Variants in WDSUB1 observed in about 807,000 individuals in gnomAD.
WDSUB1 encodes the protein WD repeat, SAM and U-box domain-containing protein 1.
A neutral mutation model predicts 53.9 loss-of-function variants in WDSUB1; 49 were observed. The observed-to-expected ratio is 0.91, with a 90% CI of 0.72 to 1.15. The LOEUF is 1.15. Among genes scored for constraint, WDSUB1 ranks in the 50% most tolerant of loss-of-function variants. The pLI is 0.00. For synonymous variants in WDSUB1, 194 were observed against 200.6 expected, an observed-to-expected ratio of 0.97 and a Z score of 0.28; for missense variants, 514 against 562.0, an observed-to-expected ratio of 0.91 and a Z score of 0.86.
chr2:159,239,542 T>A (rs2060586003), intron 10 of WDSUB1, among the ~76,000 whole-genome samples: 1 of 133,270 alleles, frequency 7.5e-6, no homozygotes, highest in South Asian at 2.3e-4. Context: ...TCTAAAACAA[T>A]AGCTGAGAGA....
rs1195615433 is a variant in WDSUB1 at position 159,275,847 on chromosome 2, C to CA, written c.584-210dup. 4.6e-5 allele frequency among the ~76,000 whole-genome samples: 7 copies of CA among 152,022 alleles called. No individual in the cohort carries two copies. In the East Asian group the frequency reaches 9.6e-4, roughly 21 times the overall value. On this transcript the variant is annotated intron_variant, in intron 3 of 10. Coordinates refer to ENST00000359774, the MANE Select transcript of WDSUB1 (RefSeq NM_001128212.3). ...GGGATTATTAGTCCTCAAGTTGCTA[C>CA]AAAAAAATACCTTTCATTTTCCTTC...
chr2:159,244,673 T>C (rs2060747170), intron 10 of WDSUB1, among the ~76,000 whole-genome samples: 8 of 152,226 alleles, frequency 5.3e-5, no homozygotes, highest in African/African-American at 1.9e-4. Context: ...ACGTCTTATC[T>C]CAGCACTTTG....
At position 159,236,136 on chromosome 2, in the gene WDSUB1, C is replaced by T. The variant is rs544324335; in HGVS notation, c.1328G>A (p.Arg443His). The T allele has an allele frequency of 2.1e-5, 34 of 1,613,300 alleles. No homozygotes were observed. The highest frequency in any genetic ancestry group is 8.3e-5 in the Admixed American group (5 of 59,956). Residue 443 changes from arginine (R) to histidine (H), a missense_variant, in exon 11 of 11, where the codon CGT (arginine) becomes CAT (histidine). Arg to His is a conservative substitution (Grantham distance 29). Coordinates refer to ENST00000359774, the MANE Select transcript of WDSUB1 (RefSeq NM_001128212.3). ...AMENWISKKK[R>H]TSPMTNLVLP... ...AACAAGATTTGTCATGGGACTTGTA[C>T]GTTTCTTTTTGCTGATCCAATTTTC...
intron 2 of WDSUB1, among the ~76,000 whole-genome samples, chr2:159,281,930 T>C (rs1288806568): frequency 6.6e-6 from 1 of 152,020 alleles, no homozygotes; most frequent in Admixed American, 6.5e-5. Flanking sequence ...TGAACTGAGA[T>C]CCCACCACTG....
chr2:159,247,910 A>ATAAATATATATATATAT (rs2060846247), intron 10 of WDSUB1, among the ~76,000 whole-genome samples: 3 of 17,680 alleles, frequency 1.7e-4, no homozygotes, highest in Non-Finnish European at 2.7e-4. Flanking sequence ...TATATATATA[A>ATAAATATATATATATAT]ATATATATAT....
intron 8 of WDSUB1, 81 bp downstream of exon 8, chr2:159,257,677 G>A (rs941455447): frequency 2.0e-5 from 25 of 1,259,658 alleles, no homozygotes; most frequent in South Asian, 6.3e-5. Context: ...TGTGAGCCGC[G>A]GTGCCCAGCC....
chr2:159,281,882 C>T (rs1033350221), intron 2 of WDSUB1, among the ~76,000 whole-genome samples: 1 of 152,178 alleles, frequency 6.6e-6, no homozygotes, highest in African/African-American at 2.4e-5. Flanking sequence ...GAGGCCGAGG[C>T]AGGAGAATCG....
chr2:159,270,485 A>C (rs148893337), intron 5 of WDSUB1, among the ~76,000 whole-genome samples: 3 of 152,350 alleles, frequency 2.0e-5, no homozygotes, highest in African/African-American at 7.2e-5. Context: ...TAGAGCAAGG[A>C]CAGAAACAGA....
chr2:159,248,601 T>C, intron 9 of WDSUB1, 89 bp from the exon 10 acceptor site: 2 of 1,363,926 alleles, frequency 1.5e-6, no homozygotes, highest in Non-Finnish European at 1.9e-6. Flanking sequence ...CAAATAGAGT[T>C]TGTTGTTGGG....
chr2:159,274,492 C>CT (rs1413015165), intron 4 of WDSUB1, among the ~76,000 whole-genome samples: 1 of 152,172 alleles, frequency 6.6e-6, no homozygotes, highest in African/African-American at 2.4e-5. Flanking sequence ...AATGAACTGA[C>CT]TGACTGTATA....
chr2:159,256,215 C>T lies in WDSUB1; in HGVS notation c.1113G>A (p.Leu371=). Residue 371 remains leucine (L), a synonymous_variant, in exon 9 of 11, where the codon CTG becomes CTA. Transcript: ENST00000359774. ...GCTTACCAATTTTCAAATCATCAGC[C>T]AGACTTTCTTTTGTAAGATTCAACA... The part of the protein sequence containing the change: ...KELLNLTKES[L]ADDLKIESLG... 1 of 1,598,810 alleles carries T rather than the reference C, an allele frequency of 6.3e-7. No homozygotes were observed. The highest frequency in any genetic ancestry group is 1.1e-5 in the South Asian group (1 of 87,050).
intron 2 of WDSUB1, among the ~76,000 whole-genome samples, chr2:159,280,690 C>CAAAAAAAAAAAAA (rs58584838): frequency 1.0e-4 from 6 of 59,586 alleles, no homozygotes; most frequent in African/African-American, 6.1e-4. Context: ...GACTCCGTCT[C>CAAAAAAAAAAAAA]AAAAAAAAAA....
intron 5 of WDSUB1, among the ~76,000 whole-genome samples, chr2:159,264,642 C>G (rs1283003121): frequency 6.6e-6 from 1 of 152,130 alleles, no homozygotes; most frequent in Non-Finnish European, 1.5e-5. Context: ...AGCTGAGCCC[C>G]TTCTGGATTT....
In WDSUB1 at chr2:159,283,112, T is replaced by C; in HGVS notation, c.-24-19A>G. 6.4e-7 allele frequency: 1 copy of C among 1,556,758 alleles called. No individual in the cohort carries two copies. The highest frequency in any genetic ancestry group is 8.7e-7 in the Non-Finnish European group (1 of 1,149,386). ...AAACAGCCTGAAATTTTTAAGCAGA[T>C]AAAGATTATTTATTCTAGGAATCAG... is the stretch of plus-strand genomic sequence containing the variant. On this transcript the variant is annotated intron_variant, in intron 1 of 10. Coordinates refer to ENST00000359774, the MANE Select transcript of WDSUB1 (RefSeq NM_001128212.3).
At chr2:159,247,934 TATATATATAAA>T (rs2060853665) in intron 10 of WDSUB1, among the ~76,000 whole-genome samples, 2 of 91,952 alleles carry the variant, frequency 2.2e-5, no homozygotes, top group African/African-American at 1.2e-4. Flanking sequence ...TATAAATATA[TATATATATAAA>T]ATTTGGATTC....
rs192315893 is a variant in WDSUB1, at chr2:159,256,363, T to A, written c.965A>T (p.Glu322Val). 2 of 1,610,542 alleles carry A rather than the reference T, an allele frequency of 1.2e-6. No individual in the cohort carries two copies. The highest frequency in any genetic ancestry group is 1.7e-6 in the Non-Finnish European group (2 of 1,179,134). ...LETLCQARRT[E>V]HQLKQFTEDW... The stretch of plus-strand genomic sequence containing the variant: ...TTCGGTAAATTGCTTCAGCTGATGT[T>A]CTGTGCGCCTTGCTTAAAATAAACA... Residue 322 changes from glutamate (E) to valine (V), a missense_variant, in exon 9 of 11, where the codon GAA (glutamate) becomes GTA (valine). Transcript: ENST00000359774.
intron 9 of WDSUB1, among the ~76,000 whole-genome samples, chr2:159,248,916 A>AT (rs748837661): frequency 1.5e-4 from 23 of 152,286 alleles, no homozygotes; most frequent in Admixed American, 7.9e-4. Context: ...ACAAATAGAG[A>AT]TTTTATCTAC....
At chr2:159,251,951 G>T (rs112019036) in intron 9 of WDSUB1, among the ~76,000 whole-genome samples, 5 of 152,118 alleles carry the variant, frequency 3.3e-5, no homozygotes, top group African/African-American at 1.2e-4. Flanking sequence ...TCCCAACTTT[G>T]TCCTGTAAGT....
intron 4 of WDSUB1, among the ~76,000 whole-genome samples, chr2:159,272,649 G>A (rs1045243921): frequency 1.3e-5 from 2 of 151,928 alleles, no homozygotes; most frequent in Non-Finnish European, 2.9e-5. Flanking sequence ...AACAAAATAC[G>A]CCAATTGCCC....
Sources: allele counts gnomAD v4.1 joint callset (sites outside exome capture counted in the v4.1 genomes callset), GRCh38; gene constraint gnomAD v4.1.1; transcripts MANE v1.5; gene names NCBI Gene and HGNC (gene_info 2026-07-23, HGNC 2026-07-21).